Variants in CRYL1 observed in about 807,000 individuals in gnomAD.
The protein encoded by CRYL1 is crystallin lambda 1, also known as lambda-crystallin homolog.
CRYL1 carries 29 observed loss-of-function variants against 36.6 expected under a neutral mutation model. The ratio of observed to expected loss-of-function variants is 0.79; its 90% CI spans 0.59 to 1.08. CRYL1 has a LOEUF of 1.08. CRYL1 is among the 50% of genes least tolerant of loss of function. CRYL1 has a pLI of 0.00. For missense variants in CRYL1, 411 were observed against 407.9 expected, an observed-to-expected ratio of 1.01 and a Z score of -0.06; for synonymous variants, 152 against 151.5, an observed-to-expected ratio of 1.00 and a Z score of -0.02.
chr13:20,421,221 TAGA>T (rs2031804960), intron 5 of CRYL1, among the ~76,000 whole-genome samples: 1 of 152,118 alleles, frequency 6.6e-6, no homozygotes, highest in South Asian at 2.1e-4. Flanking sequence ...AACAGTATTA[TAGA>T]GTTTGAAAGA....
chr13:20,431,679 C>T, intron 5 of CRYL1: 1 of 1,106,138 alleles, frequency 9.0e-7, no homozygotes, highest in Non-Finnish European at 1.1e-6. Context: ...CTTCCTCAAG[C>T]TCTTGAAACA....
intron 5 of CRYL1, among the ~76,000 whole-genome samples, chr13:20,424,027 C>T (rs916974015): frequency 7.9e-5 from 12 of 151,966 alleles, no homozygotes; most frequent in African/African-American, 1.5e-4. Flanking sequence ...CCTTGGATTC[C>T]GAAAGTGCTG....
Position 20,525,588 on chromosome 13 carries a change from G to A in CRYL1, c.41+166C>T, listed in dbSNP as rs1041020876. Among the ~76,000 whole-genome samples the A allele has an allele frequency of 6.6e-6, 1 of 152,098 alleles. No homozygotes were observed. Among genetic ancestry groups the A allele is most frequent in the Non-Finnish European group, 1.5e-5 (1 of 67,984 alleles). On this transcript the variant is annotated intron_variant, in intron 1 of 7. Coordinates refer to ENST00000298248, the MANE Select transcript of CRYL1 (RefSeq NM_015974.3). The surrounding 1 kb of genome is among the most constrained non-coding windows in gnomAD (Gnocchi z 4.3). ...AGCCCCTCCAGCCGCGCCTCTCCCCGAGCCCGCCAGCGCCGTAGGGGCCGC... is the reference window on the plus strand; with the variant it reads ...AGCCCCTCCAGCCGCGCCTCTCCCCAAGCCCGCCAGCGCCGTAGGGGCCGC...
At chr13:20,460,379 A>G (rs1013973736) in intron 3 of CRYL1, among the ~76,000 whole-genome samples, 5 of 152,176 alleles carry the variant, frequency 3.3e-5, no homozygotes, top group Non-Finnish European at 5.9e-5. Flanking sequence ...TAATTGCCAA[A>G]TTATTCTCTT....
At position 20,516,165 on chromosome 13, in the gene CRYL1, T is replaced by C. The variant is rs553183420; in HGVS notation, c.42-3615A>G. ...AAGATGGCACCACTTCACTCCAGCC[T>C]GGGCGAAAGAGCAAAACTCCATCTC... is the stretch of plus-strand genomic sequence containing the variant. On this transcript the variant is annotated intron_variant, in intron 1 of 7. Transcript: ENST00000298248. Among the ~76,000 whole-genome samples, 25 of 92,644 alleles carry C rather than the reference T, an allele frequency of 2.7e-4. No individual in the cohort carries two copies. The East Asian group carries it at 7.1e-3, about 26-fold the overall frequency. 60.8% of individuals were successfully genotyped at this position (92,644 alleles called of 152,430 possible). A position where few individuals can be genotyped will look rare whatever the true frequency, so the allele number is the denominator to read the frequency against.
intron 1 of CRYL1, among the ~76,000 whole-genome samples, chr13:20,515,520 T>C (rs1044384109): frequency 1.3e-4 from 20 of 152,166 alleles, no homozygotes; most frequent in Admixed American, 8.5e-4. Context: ...ATGTCACATT[T>C]GGCATAATGT....
chr13:20,456,640 A>C (rs1377841238), intron 3 of CRYL1, among the ~76,000 whole-genome samples: 4 of 130,672 alleles, frequency 3.1e-5, no homozygotes, highest in Non-Finnish European at 3.3e-5. Flanking sequence ...ACACACACAA[A>C]GACCACGATT....
At chr13:20,418,441 G>T (rs2031724493) in intron 5 of CRYL1, 1 of 152,212 alleles carries the variant, frequency 6.6e-6, no homozygotes, top group Admixed American at 6.5e-5. Context: ...AGGCAGGAGA[G>T]AAACTTGTGT....
intron 5 of CRYL1, among the ~76,000 whole-genome samples, chr13:20,423,703 A>G (rs747262803): frequency 7.0e-6 from 1 of 143,214 alleles, no homozygotes; most frequent in Non-Finnish European, 1.5e-5. Flanking sequence ...TCTACTCTCT[A>G]TTTGACTGGA....
intron 2 of CRYL1, among the ~76,000 whole-genome samples, chr13:20,502,070 C>T (rs756054261): frequency 2.0e-5 from 3 of 152,242 alleles, no homozygotes; most frequent in East Asian, 1.9e-4. Flanking sequence ...TCCAGACTTC[C>T]GTTTGACAGC....
At chr13:20,439,829 T>A in intron 3 of CRYL1, 75 bp from the exon 4 acceptor site, 2 of 1,413,370 alleles carry the variant, frequency 1.4e-6, no homozygotes, top group South Asian at 2.5e-5. Flanking sequence ...CATGTTTGTT[T>A]CATTCCTCAA....
intron 4 of CRYL1, among the ~76,000 whole-genome samples, chr13:20,434,232 G>A (rs992648734): frequency 6.6e-6 from 1 of 152,146 alleles, no homozygotes; most frequent in African/African-American, 2.4e-5. Context: ...GGACTCCCTG[G>A]GTCAAGTGTG....
chr13:20,470,931 A>C (rs1303582493), intron 3 of CRYL1, among the ~76,000 whole-genome samples: 3 of 151,178 alleles, frequency 2.0e-5, no homozygotes, highest in Non-Finnish European at 4.4e-5. Flanking sequence ...AAAAAACAAA[A>C]AAAAAAACCC....
chr13:20,436,431 C>T (rs2032219204), intron 4 of CRYL1, among the ~76,000 whole-genome samples: 1 of 152,234 alleles, frequency 6.6e-6, no homozygotes, highest in Admixed American at 6.5e-5. Flanking sequence ...ACCGTTGTCA[C>T]CCACAGGCCC....
At position 20,426,591 on chromosome 13, in the gene CRYL1, GAC is replaced by G. The variant is rs371939718; in HGVS notation, c.633+5509_633+5510del. The G allele has an allele frequency of 3.9e-4, 239 of 611,568 alleles. 5 individuals carry two copies. In the South Asian group the frequency reaches 0.015, roughly 38 times the overall value. The allele number at this position is 611,568 out of a possible 1,614,324, so 37.9% of individuals were successfully genotyped here. On this transcript the variant is annotated intron_variant, in intron 5 of 7. Transcript: ENST00000298248. ...CAGAGAGAAGGAGTCAGAAACAAGA[GAC>G]ACACATAGAGACACACAGAGACACA...
intron 3 of CRYL1, among the ~76,000 whole-genome samples, chr13:20,476,371 A>T (rs1344767429): frequency 1.4e-5 from 2 of 148,002 alleles, no homozygotes; most frequent in Non-Finnish European, 3.0e-5. Flanking sequence ...AAAAAAAAAA[A>T]GGAAAAACGA....
In CRYL1 at chr13:20,432,161, C is replaced by T. The variant is rs752690937; in HGVS notation, c.574G>A (p.Gly192Ser). 3.4e-5 allele frequency: 55 copies of T among 1,613,988 alleles called. No individual in the cohort carries two copies. The highest frequency in any genetic ancestry group is 8.3e-5 in the Admixed American group (5 of 59,986). ...CPMRVQKEVA[G>S]FVLNRLQYAI... ...TATTGCAGGCGGTTCAGAACGAAGC[C>T]GGCCACCTCCTTCTGGACTCGCATG... Residue 192 changes from glycine (G) to serine (S), a missense_variant, in exon 5 of 8, where the codon GGC (glycine) becomes AGC (serine). Transcript: ENST00000298248.
At chr13:20,426,637 G>C in intron 5 of CRYL1, 3 of 954,956 alleles carry the variant, frequency 3.1e-6, no homozygotes, top group Non-Finnish European at 3.7e-6. Context: ...CAGGGACGTG[G>C]TATGTGCATA....
At chr13:20,511,088 T>C (rs1020203417) in intron 2 of CRYL1, among the ~76,000 whole-genome samples, 1 of 152,086 alleles carries the variant, frequency 6.6e-6, no homozygotes, top group Non-Finnish European at 1.5e-5. Flanking sequence ...TGCATTTTAT[T>C]ATTTTATTTA....
Sources: allele counts gnomAD v4.1 joint callset (sites outside exome capture counted in the v4.1 genomes callset), GRCh38; gene constraint gnomAD v4.1.1; non-coding constraint Gnocchi (gnomAD v3.1); transcripts MANE v1.5; gene names NCBI Gene and HGNC (gene_info 2026-07-23, HGNC 2026-07-21).